The following RBMS3 variants were observed in gnomAD, a reference collection of about 807,000 sequenced individuals.
The protein encoded by RBMS3 is RNA-binding motif, single-stranded-interacting protein 3.
RBMS3 carries 27 observed loss-of-function variants against 66.8 expected under a neutral mutation model. That is an observed-to-expected ratio of 0.40 (90% CI 0.30 to 0.56). The LOEUF (loss-of-function observed/expected upper bound fraction) is 0.56. RBMS3 is among the 20% of genes least tolerant of loss of function. RBMS3 has a pLI of 0.40. For synonymous variants in RBMS3, 188 were observed against 183.0 expected, an observed-to-expected ratio of 1.03 and a Z score of -0.22; for missense variants, 513 against 549.5, an observed-to-expected ratio of 0.93 and a Z score of 0.66.
chr3:29,731,232 C>T (rs929730357), intron 4 of RBMS3, among the ~76,000 whole-genome samples: 2 of 152,220 alleles, frequency 1.3e-5, no homozygotes, highest in Admixed American at 6.5e-5. Context: ...AGGACATGAA[C>T]TCCAGTTGCT....
At chr3:29,564,002 G>C (rs536218755) in intron 3 of RBMS3, among the ~76,000 whole-genome samples, 1 of 137,234 alleles carries the variant, frequency 7.3e-6, no homozygotes, top group South Asian at 2.2e-4. Context: ...GTGAGATGCT[G>C]TCAAAAAAAA....
intron 6 of RBMS3, among the ~76,000 whole-genome samples, chr3:29,864,611 C>A (rs2149540623): frequency 6.6e-6 from 1 of 152,228 alleles, no homozygotes. Flanking sequence ...GACACTGACA[C>A]ATGACCGGGT....
At chr3:29,943,221 G>A (rs1180354210) in intron 11 of RBMS3, among the ~76,000 whole-genome samples, 1 of 151,810 alleles carries the variant, frequency 6.6e-6, no homozygotes, top group East Asian at 1.9e-4. Flanking sequence ...TTTAATAAAG[G>A]TCATATAAAT....
intron 6 of RBMS3, among the ~76,000 whole-genome samples, chr3:29,816,798 T>C (rs906393544): frequency 2.3e-4 from 35 of 152,172 alleles, no homozygotes; most frequent in Non-Finnish European, 4.3e-4. Context: ...CCTAAGTAGA[T>C]AAAAACAAAT....
At chr3:29,320,018 C>T (rs928175540) in intron 1 of RBMS3, among the ~76,000 whole-genome samples, 1 of 151,980 alleles carries the variant, frequency 6.6e-6, no homozygotes, top group Admixed American at 6.6e-5. Context: ...AGATCAGACT[C>T]GAGTCAGTTA....
intron 4 of RBMS3, among the ~76,000 whole-genome samples, chr3:29,720,306 C>T (rs2053589096): frequency 6.6e-6 from 1 of 152,126 alleles, no homozygotes; most frequent in Non-Finnish European, 1.5e-5. Context: ...CCATTGTAAG[C>T]ATTTTCTCAT....
At position 29,651,090 on chromosome 3, in the gene RBMS3, G is replaced by A. The variant is rs1208151488; in HGVS notation, c.399+63885G>A. Among the ~76,000 whole-genome samples the A allele has an allele frequency of 2.0e-5, 3 of 152,080 alleles. No individual in the cohort carries two copies. The East Asian group carries it at 5.8e-4, about 29-fold the overall frequency. On this transcript the variant is annotated intron_variant, in intron 4 of 14. Coordinates refer to ENST00000383767, the MANE Select transcript of RBMS3 (RefSeq NM_001003793.3). ...TATCAAACCAATAGGCCATCAAGCTGTCACATGAAAGACTAAAAGACTGAC... is the reference window on the plus strand; with the variant it reads ...TATCAAACCAATAGGCCATCAAGCTATCACATGAAAGACTAAAAGACTGAC...
chr3:29,853,695 G>T (rs1330106446), intron 6 of RBMS3, among the ~76,000 whole-genome samples: 2 of 152,098 alleles, frequency 1.3e-5, no homozygotes, highest in African/African-American at 2.4e-5. Flanking sequence ...GTGTTTAGAG[G>T]TGGATGTGGT....
chr3:29,598,128 G>A (rs187023236), intron 4 of RBMS3, among the ~76,000 whole-genome samples: 52 of 152,066 alleles, frequency 3.4e-4, no homozygotes, highest in Admixed American at 1.8e-3. Flanking sequence ...ATCTGGTTTC[G>A]GAAATATCCA....
At chr3:29,921,673 C>G (rs1371075023) in intron 10 of RBMS3, among the ~76,000 whole-genome samples, 2 of 152,234 alleles carry the variant, frequency 1.3e-5, no homozygotes, top group East Asian at 3.9e-4. Flanking sequence ...GTAATTATAG[C>G]CAACTCTTCA....
intron 1 of RBMS3, among the ~76,000 whole-genome samples, chr3:29,312,047 C>A (rs1371672800): frequency 6.6e-6 from 1 of 151,748 alleles, no homozygotes; most frequent in East Asian, 1.9e-4. Flanking sequence ...TCCCATAGTC[C>A]ATCTGCATGG....
intron 4 of RBMS3, among the ~76,000 whole-genome samples, chr3:29,721,747 G>A (rs6783723): frequency 0.32 from 48,064 of 152,042 alleles, 7,675 homozygotes; most frequent in South Asian, 0.41. Flanking sequence ...AAGAAAATCT[G>A]GCAGAGTCAG....
chr3:29,518,919 G>A (rs2044744617), intron 3 of RBMS3, among the ~76,000 whole-genome samples: 1 of 152,190 alleles, frequency 6.6e-6, no homozygotes, highest in African/African-American at 2.4e-5. Context: ...GGAGTGAGAA[G>A]AGAAATGGGA....
chr3:29,293,768 T>G (rs2033018330), intron 1 of RBMS3, among the ~76,000 whole-genome samples: 1 of 151,522 alleles, frequency 6.6e-6, no homozygotes, highest in Non-Finnish European at 1.5e-5. Flanking sequence ...TGCTCGCCCT[T>G]TCTTCTTCTA....
At chr3:29,858,153 T>C (rs571321791) in intron 6 of RBMS3, among the ~76,000 whole-genome samples, 63 of 152,204 alleles carry the variant, frequency 4.1e-4, no homozygotes, top group Non-Finnish European at 8.2e-4. Flanking sequence ...TTTTTATTTT[T>C]AACCTTTCTA....
At chr3:29,683,764 A>G (rs1165164600) in intron 4 of RBMS3, among the ~76,000 whole-genome samples, 1 of 152,184 alleles carries the variant, frequency 6.6e-6, no homozygotes, top group African/African-American at 2.4e-5. Flanking sequence ...TTTCTTTCTT[A>G]TCACTTTTTA....
chr3:29,322,432 G>A (rs1291551924), intron 1 of RBMS3, among the ~76,000 whole-genome samples: 1 of 152,030 alleles, frequency 6.6e-6, no homozygotes, highest in Non-Finnish European at 1.5e-5. Context: ...ATCACCTAAT[G>A]TAATCCTCCA....
intron 12 of RBMS3, among the ~76,000 whole-genome samples, chr3:29,965,783 G>A (rs1032458295): frequency 2.0e-4 from 31 of 152,188 alleles, no homozygotes; most frequent in Middle Eastern, 3.4e-3. Context: ...CTTTTGGGTT[G>A]TTGGTCATGA....
chr3:29,792,094 G>A (rs1191899414), intron 6 of RBMS3, among the ~76,000 whole-genome samples: 1 of 152,068 alleles, frequency 6.6e-6, no homozygotes, highest in Non-Finnish European at 1.5e-5. Flanking sequence ...AGGTGCCTGG[G>A]ACCAGAATTC....
Sources: allele counts gnomAD v4.1 joint callset (sites outside exome capture counted in the v4.1 genomes callset), GRCh38; gene constraint gnomAD v4.1.1; transcripts MANE v1.5; gene names NCBI Gene and HGNC (gene_info 2026-07-23, HGNC 2026-07-21).